Variants in RNF220 observed in about 807,000 individuals in gnomAD.
The protein encoded by RNF220 is ring finger protein 220.
Under a neutral mutation model 67.1 loss-of-function variants are expected in RNF220, and 7 were observed. The observed-to-expected ratio is 0.10, with a 90% CI of 0.06 to 0.20. The LOEUF (loss-of-function observed/expected upper bound fraction) is 0.20, where lower values mean the gene tolerates loss of function less well. Among genes scored for constraint, RNF220 ranks in the 10% least tolerant of loss-of-function variants. The probability of loss-of-function intolerance (pLI) is 1.00; values close to 1 mark genes in which losing one functional copy is unlikely to be tolerated. For missense variants in RNF220, 565 were observed against 740.3 expected (o/e 0.76, Z 2.75); for synonymous variants, 270 against 283.2 (o/e 0.95, Z 0.47).
At position 44,412,726 on chromosome 1, in the gene RNF220, A is replaced by G; in HGVS notation, c.625+4A>G. The G allele has an allele frequency of 6.2e-7, 1 of 1,611,918 alleles. No individual in the cohort carries two copies. The highest frequency in any genetic ancestry group is 1.1e-5 in the South Asian group (1 of 90,854). On this transcript the variant is annotated splice_donor_region_variant and intron_variant, in intron 2 of 14. Coordinates refer to ENST00000361799, the MANE Select transcript of RNF220 (RefSeq NM_018150.4). This position sits in a 1 kb window ranked among gnomAD's most constrained non-coding sequence, Gnocchi z 5.3. Reference sequence around the variant, plus strand: ...CCAGAGGATCGGAATGACAGATGTAAGTACTTTGGTTCCAGCCCTCCCTTA... The same window carrying G: ...CCAGAGGATCGGAATGACAGATGTAGGTACTTTGGTTCCAGCCCTCCCTTA...
chr1:44,625,763 A>G (rs1319288416), intron 4 of RNF220, among the ~76,000 whole-genome samples: 3 of 151,960 alleles, frequency 2.0e-5, no homozygotes, highest in Admixed American at 2.0e-4. Flanking sequence ...CAAGATTGAC[A>G]TGGGGGGATT....
intron 2 of RNF220, among the ~76,000 whole-genome samples, chr1:44,561,741 A>AC (rs1326464571): frequency 6.6e-6 from 1 of 151,942 alleles, no homozygotes; most frequent in Non-Finnish European, 1.5e-5. Context: ...ATACGGTGAG[A>AC]CCCCGTCTCT....
At chr1:44,424,111 T>C in intron 2 of RNF220, 1 of 716,024 alleles carries the variant, frequency 1.4e-6, no homozygotes, top group Non-Finnish European at 1.7e-6. Context: ...GAGATGATAC[T>C]TCCTCTTCTT....
intron 2 of RNF220, among the ~76,000 whole-genome samples, chr1:44,609,206 A>G (rs1444427520): frequency 6.6e-6 from 1 of 152,136 alleles, no homozygotes; most frequent in Admixed American, 6.6e-5. Context: ...ACCCACACAC[A>G]TACTCTTAAA....
chr1:44,496,293 G>A lies in RNF220; in HGVS notation c.625+83571G>A, dbSNP rs144254763. 5.9e-5 allele frequency among the ~76,000 whole-genome samples: 9 copies of A among 152,210 alleles called. No homozygotes were observed. In the East Asian group the frequency reaches 1.2e-3, roughly 20 times the overall value. ...CTGGGGATACAGAGAGTTTTGTGAG[G>A]ATGGAAATCAGAGGGATCTGGGCTG... is the stretch of plus-strand genomic sequence containing the variant. On this transcript the variant is annotated intron_variant, in intron 2 of 14. Transcript: ENST00000361799.
intron 3 of RNF220, among the ~76,000 whole-genome samples, chr1:44,618,870 G>A (rs1443032848): frequency 6.6e-6 from 1 of 152,190 alleles, no homozygotes. Flanking sequence ...GGTGGAGGAA[G>A]AAGCCACAGG....
intron 2 of RNF220, among the ~76,000 whole-genome samples, chr1:44,523,924 G>T (rs1473206808): frequency 6.6e-6 from 1 of 152,202 alleles, no homozygotes; most frequent in East Asian, 1.9e-4. Context: ...TAGTCCGCTT[G>T]CCTTGCTCAG....
chr1:44,481,687 G>A (rs560925802), intron 2 of RNF220, among the ~76,000 whole-genome samples: 1 of 152,128 alleles, frequency 6.6e-6, no homozygotes, highest in Non-Finnish European at 1.5e-5. Flanking sequence ...AATAAAGGGG[G>A]AAAAAAAGAA....
chr1:44,471,765 G>A (rs567235930), intron 2 of RNF220, among the ~76,000 whole-genome samples: 19 of 152,102 alleles, frequency 1.2e-4, no homozygotes, highest in African/African-American at 3.9e-4. Flanking sequence ...CAGAGGCTGC[G>A]GTGAGCCGAG....
chr1:44,565,935 G>A lies in RNF220; in HGVS notation c.626-48230G>A, dbSNP rs919019922. On this transcript the variant is annotated intron_variant, in intron 2 of 14. Transcript: ENST00000361799. This position sits in a 1 kb window ranked among gnomAD's most constrained non-coding sequence, Gnocchi z 4.2. ...TTCTCACTCCCCACCTCAGCCTCTC[G>A]CCCTCCCTCTCTGCTCCACATTGAT... Among the ~76,000 whole-genome samples, 3 of 151,976 alleles carry A rather than the reference G, an allele frequency of 2.0e-5. No homozygotes were observed. The highest frequency in any genetic ancestry group is 4.8e-5 in the African/African-American group (2 of 41,358).
intron 2 of RNF220, among the ~76,000 whole-genome samples, chr1:44,428,786 C>T (rs1324511769): frequency 6.6e-6 from 1 of 151,998 alleles, no homozygotes; most frequent in Admixed American, 6.6e-5. Flanking sequence ...CTTTGACTTC[C>T]TCTGCGTCTT....
intron 2 of RNF220, among the ~76,000 whole-genome samples, chr1:44,469,804 C>A (rs1164154206): frequency 6.6e-6 from 1 of 152,152 alleles, no homozygotes; most frequent in South Asian, 2.1e-4. Context: ...AAACAGTAGG[C>A]AGAGGCAATC....
In RNF220 at chr1:44,650,698, C is replaced by T. The variant is rs753229059; in HGVS notation, c.1630-6C>T. 4.3e-6 allele frequency: 7 copies of T among 1,613,794 alleles called. No individual in the cohort carries two copies. In the South Asian group the frequency reaches 7.7e-5, roughly 18 times the overall value. On this transcript the variant is annotated splice_polypyrimidine_tract_variant and splice_region_variant and intron_variant, in intron 14 of 14. Transcript: ENST00000361799. This position sits in a 1 kb window ranked among gnomAD's most constrained non-coding sequence, Gnocchi z 4.3. Reference sequence around the variant, plus strand: ...TAGACCAGAGCCCTCCCTGTTCTCCCTGCAGGGTGCCAAGAAGCTCTGCCC... The same window carrying T: ...TAGACCAGAGCCCTCCCTGTTCTCCTTGCAGGGTGCCAAGAAGCTCTGCCC...
chr1:44,564,806 C>T (rs181693537), intron 2 of RNF220, among the ~76,000 whole-genome samples: 49 of 151,976 alleles, frequency 3.2e-4, no homozygotes, highest in African/African-American at 1.1e-3. Context: ...TGTTCTCATC[C>T]TCACTAATCT....
At chr1:44,431,217 C>T (rs527705572) in intron 2 of RNF220, among the ~76,000 whole-genome samples, 22 of 152,066 alleles carry the variant, frequency 1.4e-4, no homozygotes, top group Non-Finnish European at 2.8e-4. Flanking sequence ...ATAAGACGGC[C>T]GGGCGAGGTG....
At chr1:44,646,745 A>G (rs1255315626) in intron 12 of RNF220, among the ~76,000 whole-genome samples, 1 of 152,200 alleles carries the variant, frequency 6.6e-6, no homozygotes, top group Non-Finnish European at 1.5e-5. Context: ...CTGTGTGAGC[A>G]CAGGCACCCG....
chr1:44,595,354 C>T (rs374953990), intron 2 of RNF220, among the ~76,000 whole-genome samples: 1 of 152,198 alleles, frequency 6.6e-6, no homozygotes. Flanking sequence ...CCCTCCAGGA[C>T]GCCCGGGCCC....
intron 5 of RNF220, chr1:44,632,138 A>G: frequency 6.5e-7 from 1 of 1,533,060 alleles, no homozygotes; most frequent in Non-Finnish European, 8.8e-7. Context: ...GTCCCGTTAG[A>G]GCAGCGCCCG....
intron 2 of RNF220, among the ~76,000 whole-genome samples, chr1:44,473,579 C>T (rs919686195): frequency 1.3e-5 from 2 of 152,120 alleles, no homozygotes; most frequent in African/African-American, 4.8e-5. Context: ...TACTAGGCTT[C>T]ATTTCTTGGG....
Sources: allele counts gnomAD v4.1 joint callset (sites outside exome capture counted in the v4.1 genomes callset), GRCh38; gene constraint gnomAD v4.1.1; non-coding constraint Gnocchi (gnomAD v3.1); transcripts MANE v1.5; gene names NCBI Gene and HGNC (gene_info 2026-07-23, HGNC 2026-07-21).